Variants in ARHGEF10 observed in about 807,000 individuals in gnomAD.
ARHGEF10 encodes the protein Rho guanine nucleotide exchange factor 10, also known as Rho guanine nucleotide exchange factor (GEF) 10.
In ARHGEF10, 140 loss-of-function variants were observed where a neutral mutation model predicts 147.4. That is an observed-to-expected ratio of 0.95 (90% CI 0.83 to 1.09). ARHGEF10 has a LOEUF of 1.09. Among genes scored for constraint, ARHGEF10 ranks in the 50% least tolerant of loss-of-function variants. The pLI, the probability that ARHGEF10 is intolerant of heterozygous loss-of-function variation, is 0.00. For missense variants in ARHGEF10, 2,222 were observed against 1,752.7 expected (o/e 1.27, Z -4.78); for synonymous variants, 902 against 695.8 (o/e 1.30, Z -4.67).
chr8:1,879,249 C>A (rs1032112812), intron 8 of ARHGEF10, among the ~76,000 whole-genome samples: 3 of 152,098 alleles, frequency 2.0e-5, no homozygotes, highest in African/African-American at 7.2e-5. Flanking sequence ...TCCCCAGTCC[C>A]GTCAGTTAGA....
At chr8:1,850,705 A>C (rs561655829) in intron 2 of ARHGEF10, among the ~76,000 whole-genome samples, 9 of 152,312 alleles carry the variant, frequency 5.9e-5, no homozygotes, top group Admixed American at 2.0e-4. Flanking sequence ...GTATTTATTT[A>C]AATGAGTTGA....
At chr8:1,853,334 A>G (rs1805291364) in intron 2 of ARHGEF10, among the ~76,000 whole-genome samples, 1 of 152,196 alleles carries the variant, frequency 6.6e-6, no homozygotes, top group Non-Finnish European at 1.5e-5. Flanking sequence ...ACAGGGACCA[A>G]CGGGCGGAGA....
At chr8:1,880,506 A>T (rs374973513) in intron 9 of ARHGEF10, among the ~76,000 whole-genome samples, 1 of 152,190 alleles carries the variant, frequency 6.6e-6, no homozygotes, top group East Asian at 1.9e-4. Context: ...CATCAATGTT[A>T]TTTAAGATAA....
chr8:1,936,560 T>G (rs1479363640), intron 26 of ARHGEF10, among the ~76,000 whole-genome samples: 1 of 152,066 alleles, frequency 6.6e-6, no homozygotes, highest in African/African-American at 2.4e-5. Flanking sequence ...GAAAGTGTCT[T>G]CAGTTGGGGC....
At chr8:1,953,668 G>C (rs918374776) in intron 28 of ARHGEF10, among the ~76,000 whole-genome samples, 3 of 152,208 alleles carry the variant, frequency 2.0e-5, no homozygotes, top group African/African-American at 4.8e-5. Context: ...CCCGCAGTTC[G>C]TAATGACGGA....
rs1198368461 is a variant in ARHGEF10 at position 1,905,733 on chromosome 8, T to G, written c.1967+17T>G. On this transcript the variant is annotated intron_variant, in intron 17 of 28. Coordinates refer to ENST00000349830, the MANE Select transcript of ARHGEF10 (RefSeq NM_014629.4). ...CAGCTCACGGTAAGTGCATAAATTC[T>G]CTATAGTAGTCCTACCATCATCACA... 6.2e-7 allele frequency: 1 copy of G among 1,612,130 alleles called. No homozygotes were observed. Among genetic ancestry groups the G allele is most frequent in the Non-Finnish European group, 8.5e-7 (1 of 1,179,992 alleles).
chr8:1,947,179 G>A (rs527677623), intron 27 of ARHGEF10, among the ~76,000 whole-genome samples: 16 of 152,266 alleles, frequency 1.1e-4, no homozygotes, highest in African/African-American at 3.9e-4. Context: ...GCTCTCACGC[G>A]GCAGTGAGTG....
At chr8:1,884,120 A>G (rs1159440814) in intron 10 of ARHGEF10, among the ~76,000 whole-genome samples, 4 of 152,138 alleles carry the variant, frequency 2.6e-5, no homozygotes, top group East Asian at 1.9e-4. Context: ...TTGGCCGGGC[A>G]CGGTGGCTCA....
rs1805706564 is a variant in ARHGEF10 at position 1,857,991 on chromosome 8, T to A, written c.69T>A (p.Asn23Lys). 3 of 1,613,892 alleles carry A rather than the reference T, an allele frequency of 1.9e-6. No individual in the cohort carries two copies. Among genetic ancestry groups the A allele is most frequent in the South Asian group, 1.1e-5 (1 of 91,070 alleles). ...ENEMKYDTNN[N>K]EEEEGEQFDF... Reference sequence around the variant, plus strand: ...AAATGAAATATGATACCAATAATAATGAAGAGGAAGAGGGAGAACAGTTCG... The same window carrying A: ...AAATGAAATATGATACCAATAATAAAGAAGAGGAAGAGGGAGAACAGTTCG... Residue 23 changes from asparagine (N) to lysine (K), a missense_variant, in exon 3 of 29, where the codon AAT becomes AAA. Asn to Lys is a moderately conservative substitution (Grantham distance 94, BLOSUM62 0). Transcript: ENST00000349830.
chr8:1,857,535 C>T (rs560755462), intron 2 of ARHGEF10, among the ~76,000 whole-genome samples: 22 of 152,000 alleles, frequency 1.4e-4, no homozygotes, highest in African/African-American at 3.9e-4. Flanking sequence ...TTCTCCTGCC[C>T]CACCTTCCTG....
At chr8:1,874,529 A>G (rs1322267208) in intron 7 of ARHGEF10, among the ~76,000 whole-genome samples, 1 of 152,266 alleles carries the variant, frequency 6.6e-6, no homozygotes, top group East Asian at 1.9e-4. Context: ...TTGGAAGTCC[A>G]GAGATGGATG....
At chr8:1,855,880 C>G (rs1246791380) in intron 2 of ARHGEF10, among the ~76,000 whole-genome samples, 6 of 151,858 alleles carry the variant, frequency 4.0e-5, no homozygotes, top group Non-Finnish European at 7.4e-5. Context: ...AAGGTATTCA[C>G]CAGTTCATTT....
intron 27 of ARHGEF10, among the ~76,000 whole-genome samples, chr8:1,949,688 G>A (rs551188918): frequency 6.6e-6 from 1 of 152,078 alleles, no homozygotes; most frequent in African/African-American, 2.4e-5. Context: ...GACAAAAAAC[G>A]TGTAACTTTT....
chr8:1,936,264 C>T (rs1397837679), intron 26 of ARHGEF10, among the ~76,000 whole-genome samples: 3 of 152,168 alleles, frequency 2.0e-5, no homozygotes, highest in African/African-American at 7.2e-5. Flanking sequence ...CCTGTAATTC[C>T]AGCACTTTTG....
At chr8:1,899,118 A>G (rs1810254673) in intron 15 of ARHGEF10, among the ~76,000 whole-genome samples, 1 of 152,214 alleles carries the variant, frequency 6.6e-6, no homozygotes, top group South Asian at 2.1e-4. Flanking sequence ...TGTGAACAGT[A>G]GGCCTGTTCT....
rs2091647622 is a variant in ARHGEF10, at chr8:1,903,325, T to C, written c.1695T>C (p.Pro565=). The C allele has an allele frequency of 6.2e-7, 1 of 1,614,006 alleles. No homozygotes were observed. The highest frequency in any genetic ancestry group is 1.7e-5 in the Admixed American group (1 of 60,002). ...CCAAAGGCCACCCCGACAGGCTGCC[T>C]CTTCAGATGGCCCTGACAGAGCTCG... ...NTSKGHPDRL[P]LQMALTELET... is the part of the protein sequence containing the mutation. Residue 565 remains proline (P), a synonymous_variant, in exon 16 of 29, where the codon CCT becomes CCC. Transcript: ENST00000349830.
intron 18 of ARHGEF10, among the ~76,000 whole-genome samples, chr8:1,909,688 C>T (rs1811214281): frequency 6.6e-6 from 1 of 152,216 alleles, no homozygotes; most frequent in African/African-American, 2.4e-5. Context: ...AGCTGGGGCT[C>T]CTTCGGGTTC....
rs781676801 is a variant in ARHGEF10, at chr8:1,929,416, G to A, written c.3052G>A (p.Ala1018Thr). 1 of 1,610,592 alleles carries A rather than the reference G, an allele frequency of 6.2e-7. No homozygotes were observed. The highest frequency in any genetic ancestry group is 8.5e-7 in the Non-Finnish European group (1 of 1,178,686). ...QSLYAGLVNG[A>T]VASYARAPDG... ...CCTGTACGCTGGCCTGGTCAACGGG[G>A]CAGTCGCCAGCTACGCCAGAGCCCC... is the stretch of plus-strand genomic sequence containing the variant. Residue 1018 changes from alanine to threonine, a missense_variant, in exon 25 of 29, where the codon GCA becomes ACA. Ala to Thr is a moderately conservative substitution (Grantham distance 58). Transcript: ENST00000349830.
chr8:1,897,083 T>G (rs1810037470), intron 14 of ARHGEF10, among the ~76,000 whole-genome samples: 1 of 152,222 alleles, frequency 6.6e-6, no homozygotes, highest in Non-Finnish European at 1.5e-5. Flanking sequence ...TTCAAAGACG[T>G]CGGCGGAACT....
Sources: allele counts gnomAD v4.1 joint callset (sites outside exome capture counted in the v4.1 genomes callset), GRCh38; gene constraint gnomAD v4.1.1; transcripts MANE v1.5; gene names NCBI Gene and HGNC (gene_info 2026-07-23, HGNC 2026-07-21).